Variants in C11orf71 observed in about 807,000 individuals in gnomAD.
C11orf71 encodes uncharacterized protein C11orf71.
For missense variants in C11orf71, 179 were observed against 167.6 expected, an observed-to-expected ratio of 1.07 and a Z score of -0.38; for synonymous variants, 72 against 73.4, an observed-to-expected ratio of 0.98 and a Z score of 0.09.
chr11:114,392,626 G>A (rs1233823056), intron 1 of C11orf71, among the ~76,000 whole-genome samples: 1 of 151,484 alleles, frequency 6.6e-6, no homozygotes, highest in Non-Finnish European at 1.5e-5. Context: ...AGCTACTGGG[G>A]AGGCTGAGGT....
downstream of C11orf71, among the ~76,000 whole-genome samples, chr11:114,398,043 C>T (rs1408252515): frequency 1.3e-5 from 2 of 152,206 alleles, no homozygotes; most frequent in African/African-American, 4.8e-5. Context: ...AAATCCTTCA[C>T]AAGATTCAGC....
chr11:114,400,366 C>A lies in C11orf71; in HGVS notation c.-35G>T. ...CTGCCCGCAGTACTTGCGTTACGTC[C>A]CTTTGTGAAGGCAGGCCCTTCGCGG... On this transcript the variant is annotated 5_prime_UTR_variant, in exon 1 of 1. Transcript: ENST00000623205. 6.4e-7 allele frequency: 1 copy of A among 1,561,988 alleles called. No individual in the cohort carries two copies. Among genetic ancestry groups the A allele is most frequent in the East Asian group, 2.3e-5 (1 of 43,774 alleles).
downstream of C11orf71, among the ~76,000 whole-genome samples, chr11:114,394,299 T>TTTCTTTTCTC (rs1946112999): frequency 8.3e-6 from 1 of 120,616 alleles, no homozygotes; most frequent in Admixed American, 9.2e-5. Flanking sequence ...CTTATTTTCT[T>TTTCTTTTCTC]TTCTTTTCTT....
chr11:114,400,165 G>A lies in C11orf71; in HGVS notation c.167C>T (p.Ala56Val), dbSNP rs979435910. ...CTCGGCCCGAACGCTTGGTCGCACC[G>A]CCTGCCGAGGTCCTAGATGAATCGC... is the stretch of plus-strand genomic sequence containing the variant. ...PEAIHLGPRQ[A>V]VRPSVRAESR... Residue 56 changes from alanine to valine, a missense_variant, in exon 1 of 1, where the codon GCG becomes GTG. Coordinates refer to ENST00000623205, the MANE Select transcript of C11orf71 (RefSeq NM_001271562.2). 1 of 1,613,628 alleles carries A rather than the reference G, an allele frequency of 6.2e-7. No individual in the cohort carries two copies. The highest frequency in any genetic ancestry group is 8.5e-7 in the Non-Finnish European group (1 of 1,179,858).
chr11:114,395,217 G>A (rs1335220375), downstream of C11orf71, among the ~76,000 whole-genome samples: 3 of 152,172 alleles, frequency 2.0e-5, no homozygotes, highest in Non-Finnish European at 4.4e-5. Flanking sequence ...TGAACACAGA[G>A]TGAGGAGGTG....
chr11:114,392,025 G>T (rs1255309601), intron 1 of C11orf71, among the ~76,000 whole-genome samples: 1 of 151,818 alleles, frequency 6.6e-6, no homozygotes, highest in Non-Finnish European at 1.5e-5. Context: ...TTAAACCAAG[G>T]GTGTTTAACA....
chr11:114,398,482 G>A (rs2135343016), downstream of C11orf71: 1 of 152,140 alleles, frequency 6.6e-6, no homozygotes, highest in Middle Eastern at 3.4e-3. Context: ...CCCCTCTTAT[G>A]GGCTGCTGTG....
At chr11:114,394,259 TTTCTTTTCTTTTCTTTTC>T (rs1946107133), downstream of C11orf71, among the ~76,000 whole-genome samples, 2 of 70,650 alleles carry the variant, frequency 2.8e-5, no homozygotes, top group African/African-American at 8.5e-5. Context: ...TTTCTTTTCT[TTTCTTTTCTTTTCTTTTC>T]TTTTCTTTTC....
At position 114,399,988 on chromosome 11, in the gene C11orf71, C is replaced by T. The variant is rs373933876; in HGVS notation, c.344G>A (p.Gly115Asp). The change falls in exon 1 of 1, where the codon GGT (glycine) becomes GAT (aspartate). Residue 115 changes from glycine (G) to aspartate (D), a missense_variant. Gly to Asp is a moderately conservative substitution (Grantham distance 94). Coordinates refer to ENST00000623205, the MANE Select transcript of C11orf71 (RefSeq NM_001271562.2). Reference sequence around the variant, plus strand: ...AACTGAAATTCGAGCTGCGATAACACCTCCTAATGCAATCAAACGCTGTTG... The same window carrying T: ...AACTGAAATTCGAGCTGCGATAACATCTCCTAATGCAATCAAACGCTGTTG... ...VLQQRLIALG[G>D]VIAARISV is the part of the protein sequence containing the mutation. 6.2e-7 allele frequency: 1 copy of T among 1,606,758 alleles called. No homozygotes were observed. Among genetic ancestry groups the T allele is most frequent in the Non-Finnish European group, 8.5e-7 (1 of 1,174,038 alleles).
intron 1 of C11orf71, among the ~76,000 whole-genome samples, chr11:114,392,745 A>C (rs1208388231): frequency 6.6e-6 from 1 of 151,284 alleles, no homozygotes; most frequent in South Asian, 2.1e-4. Context: ...AAAAAAAAAA[A>C]CAAAAAAAAA....
Position 114,392,814 on chromosome 11 carries a change from C to T in C11orf71, c.344-1149G>A, listed in dbSNP as rs150777072. On this transcript the variant is annotated intron_variant, in intron 1 of 1. Transcript: ENST00000325636. ...AAATCCTGTTAGCCACAGAAAACCC[C>T]GTGCCAGATCTGCCCACTGGCCACT... is the stretch of plus-strand genomic sequence containing the variant. Among the ~76,000 whole-genome samples, 1,109 of 152,024 alleles carry T rather than the reference C, an allele frequency of 7.3e-3. 14 individuals carry two copies. The highest frequency in any genetic ancestry group is 0.025 in the African/African-American group (1,053 of 41,480).
downstream of C11orf71, among the ~76,000 whole-genome samples, chr11:114,394,213 CT>C (rs1197120285): frequency 0.068 from 3,594 of 52,918 alleles, 128 homozygotes; most frequent in Middle Eastern, 0.096. Context: ...CTTTTCTTTT[CT>C]TTTCTTTTCT....
downstream of C11orf71, among the ~76,000 whole-genome samples, chr11:114,394,199 TTTTCTTTTCTTTTCTTTTCTTTTCTTTTC>T (rs879854621): frequency 0.049 from 2,302 of 46,694 alleles, 111 homozygotes; most frequent in African/African-American, 0.11. Context: ...TTTTCTTTTC[TTTTCTTTTCTTTTCTTTTCTTTTCTTTTC>T]TTTCTTTTCT....
downstream of C11orf71, among the ~76,000 whole-genome samples, chr11:114,393,706 A>T (rs1396227736): frequency 1.3e-5 from 2 of 152,232 alleles, no homozygotes; most frequent in Non-Finnish European, 2.9e-5. Flanking sequence ...CCAAAAAAAG[A>T]ATTCCATCTT....
downstream of C11orf71, among the ~76,000 whole-genome samples, chr11:114,396,232 A>C (rs893640351): frequency 4.6e-5 from 7 of 152,250 alleles, no homozygotes; most frequent in Non-Finnish European, 1.0e-4. Flanking sequence ...AAAGATTTTA[A>C]ATTTATGGAC....
downstream of C11orf71, among the ~76,000 whole-genome samples, chr11:114,393,677 T>G (rs535652410): frequency 1.3e-5 from 2 of 152,336 alleles, no homozygotes; most frequent in South Asian, 4.1e-4. Context: ...GTACTTCAGT[T>G]AAGTGAAATG....
chr11:114,400,328 C>G lies in C11orf71; in HGVS notation c.4G>C (p.Ala2Pro), dbSNP rs1341369190. The change falls in exon 1 of 1, where the codon GCC becomes CCC. Residue 2 changes from alanine (A) to proline (P), a missense_variant. By Grantham distance (27) the Ala-to-Pro change is conservative. Transcript: ENST00000623205. MALNNVSLSSGD... is the reference protein window; with the variant it reads MPLNNVSLSSGD... ...GAGGACAGGGACACATTGTTCAGGG[C>G]CATATTCAAACACTGCCCGCAGTAC... is the stretch of plus-strand genomic sequence containing the variant. The G allele has an allele frequency of 6.2e-7, 1 of 1,602,322 alleles. No individual in the cohort carries two copies. The highest frequency in any genetic ancestry group is 2.2e-5 in the East Asian group (1 of 44,610).
intron 1 of C11orf71, among the ~76,000 whole-genome samples, chr11:114,392,746 C>CA (rs993807288): frequency 1.3e-4 from 17 of 132,556 alleles, no homozygotes; most frequent in African/African-American, 3.4e-4. Flanking sequence ...AAAAAAAAAA[C>CA]AAAAAAAAAT....
At chr11:114,391,708 G>T in intron 1 of C11orf71, 1 of 856,734 alleles carries the variant, frequency 1.2e-6, no homozygotes, top group Non-Finnish European at 1.7e-6. Flanking sequence ...GCAGGGAGTG[G>T]TGGTAACCAA....
Sources: allele counts gnomAD v4.1 joint callset (sites outside exome capture counted in the v4.1 genomes callset), GRCh38; gene constraint gnomAD v4.1.1; transcripts MANE v1.5; gene names NCBI Gene and HGNC (gene_info 2026-07-23, HGNC 2026-07-21).